ZDHHC20: variants seen among roughly 807,000 people sequenced by gnomAD.
The protein encoded by ZDHHC20 is zDHHC palmitoyltransferase 20.
ZDHHC20 carries 43 observed loss-of-function variants against 57.8 expected under a neutral mutation model. The ratio of observed to expected loss-of-function variants is 0.74; its 90% confidence interval spans 0.58 to 0.96. The LOEUF is 0.96. Among genes scored for constraint, ZDHHC20 ranks in the 40% least tolerant of loss-of-function variants. The probability of loss-of-function intolerance (pLI) is 0.00; values close to 1 mark genes in which losing one functional copy is unlikely to be tolerated. For missense variants in ZDHHC20, 391 were observed against 441.1 expected (o/e 0.89, Z 1.02); for synonymous variants, 157 against 153.0 (o/e 1.03, Z -0.19).
chr13:21,401,723 A>G, intron 5 of ZDHHC20, 38 bp from the exon 6 acceptor site: 1 of 1,473,408 alleles, frequency 6.8e-7, no homozygotes, highest in Non-Finnish European at 9.0e-7. Context: ...CCATGCAGAA[A>G]AATTCTTCTA....
At chr13:21,377,863 G>C (rs947167021) in intron 12 of ZDHHC20, 1 of 152,424 alleles carries the variant, frequency 6.6e-6, no homozygotes, top group Non-Finnish European at 1.5e-5. Flanking sequence ...ACAGGAACAG[G>C]ATGATAAATG....
At chr13:21,421,255 C>T (rs544255714) in intron 2 of ZDHHC20, 91 bp from the exon 3 acceptor site, 17 of 887,422 alleles carry the variant, frequency 1.9e-5, no homozygotes, top group African/African-American at 6.8e-5. Context: ...GTCAGGAGGC[C>T]GAATCCAATA....
chr13:21,409,533 T>C (rs1029834063), intron 4 of ZDHHC20, among the ~76,000 whole-genome samples: 1 of 152,170 alleles, frequency 6.6e-6, no homozygotes, highest in African/African-American at 2.4e-5. Context: ...GTGGTCTATT[T>C]TGTTAATCTT....
chr13:21,421,033 T>C lies in ZDHHC20; in HGVS notation c.249+28A>G, dbSNP rs146456680. 1.1e-5 allele frequency: 17 copies of C among 1,569,052 alleles called. No homozygotes were observed. In the East Asian group the frequency reaches 3.1e-4, roughly 29 times the overall value. ...AAAAATTCCATAATCAGTTAAAACATTTGGTAATTTACCAACATTAAATTT... is the reference window on the plus strand; with the variant it reads ...AAAAATTCCATAATCAGTTAAAACACTTGGTAATTTACCAACATTAAATTT... On this transcript the variant is annotated intron_variant, in intron 3 of 12. Transcript: ENST00000400590.
rs1877485080 is a variant in ZDHHC20, at chr13:21,400,580, CTGGTGTGGTG to C, written c.474-97_474-88del. 3.6e-6 allele frequency: 5 copies of C among 1,399,432 alleles called. No individual in the cohort carries two copies. The South Asian group carries it at 6.9e-5, about 19-fold the overall frequency. The allele number at this position is 1,399,432 out of a possible 1,614,324, so 86.7% of individuals were successfully genotyped here. A position where few individuals can be genotyped will look rare whatever the true frequency, so the allele number is the denominator to read the frequency against. ...AAAGTAGGATGGAGGCTGCCAGGGG[CTGGTGTGGTG>C]TGGGGAAGGGGAGCTTTTTAATGCG... is the stretch of plus-strand genomic sequence containing the variant. On this transcript the variant is annotated intron_variant, in intron 6 of 12. Coordinates refer to ENST00000400590, the MANE Select transcript of ZDHHC20 (RefSeq NM_001330059.2).
chr13:21,447,231 CGAG>C (rs1185804028), intron 1 of ZDHHC20, among the ~76,000 whole-genome samples: 1 of 24,660 alleles, frequency 4.1e-5, no homozygotes, highest in East Asian at 1.2e-3. Context: ...GTGGAGCCTC[CGAG>C]GCCGAGGACT....
intron 3 of ZDHHC20, among the ~76,000 whole-genome samples, chr13:21,420,710 C>T (rs116975298): frequency 0.018 from 2,677 of 152,298 alleles, 32 homozygotes; most frequent in Non-Finnish European, 0.024. Flanking sequence ...TCTGTTCATG[C>T]CTGAGAAAAT....
intron 7 of ZDHHC20, among the ~76,000 whole-genome samples, chr13:21,393,981 T>C (rs966790129): frequency 2.6e-5 from 4 of 152,260 alleles, no homozygotes; most frequent in Non-Finnish European, 5.9e-5. Context: ...TCACTGCTTC[T>C]ACCTTATTCC....
At chr13:21,451,921 G>A (rs890526635) in intron 1 of ZDHHC20, among the ~76,000 whole-genome samples, 1 of 149,446 alleles carries the variant, frequency 6.7e-6, no homozygotes, top group Non-Finnish European at 1.5e-5. Flanking sequence ...TTGAACTCAG[G>A]AGGCGGAGGT....
intron 4 of ZDHHC20, among the ~76,000 whole-genome samples, chr13:21,413,284 C>T (rs1376105013): frequency 5.3e-5 from 8 of 152,020 alleles, no homozygotes; most frequent in Admixed American, 5.2e-4. Context: ...ATTCTTAGCA[C>T]ACTTTTGGAT....
Position 21,426,556 on chromosome 13 carries a change from G to A in ZDHHC20, c.119-878C>T, listed in dbSNP as rs142487835. 2.8e-4 allele frequency among the ~76,000 whole-genome samples: 43 copies of A among 151,212 alleles called. 1 individual carries two copies. The East Asian group carries it at 5.4e-3, about 19-fold the overall frequency. On this transcript the variant is annotated intron_variant, in intron 1 of 12. Coordinates refer to ENST00000400590, the MANE Select transcript of ZDHHC20 (RefSeq NM_001330059.2). ...GGGTAGCAAACACTACAAGCCCTCT[G>A]TAATCTACAATCTGTCTACCTCTCT...
chr13:21,381,656 G>T, intron 10 of ZDHHC20, 107 bp from the exon 11 acceptor site: 1 of 744,384 alleles, frequency 1.3e-6, no homozygotes. Context: ...ATATGTGAGG[G>T]CAACTCATGA....
intron 4 of ZDHHC20, among the ~76,000 whole-genome samples, chr13:21,405,963 A>C (rs1389674551): frequency 3.9e-5 from 6 of 152,222 alleles, no homozygotes; most frequent in Non-Finnish European, 7.3e-5. Context: ...AAAACATTTG[A>C]AACGGACTCT....
intron 1 of ZDHHC20, among the ~76,000 whole-genome samples, chr13:21,453,871 G>C (rs1186007213): frequency 6.6e-6 from 1 of 152,074 alleles, no homozygotes; most frequent in Non-Finnish European, 1.5e-5. Flanking sequence ...CTTTGGGAAA[G>C]GGTCTTGCTC....
chr13:21,455,348 C>T (rs184820646), intron 1 of ZDHHC20, among the ~76,000 whole-genome samples: 15 of 152,120 alleles, frequency 9.9e-5, no homozygotes, highest in Non-Finnish European at 1.6e-4. Flanking sequence ...ACAAGATGAC[C>T]TGAACAACAA....
At chr13:21,384,890 C>T (rs1874173884) in intron 9 of ZDHHC20, among the ~76,000 whole-genome samples, 1 of 151,946 alleles carries the variant, frequency 6.6e-6, no homozygotes, top group Non-Finnish European at 1.5e-5. Flanking sequence ...AGCAAAGTAG[C>T]ATTCAAAATG....
Position 21,395,362 on chromosome 13 carries a change from G to A in ZDHHC20, c.595-3508C>T, listed in dbSNP as rs113722415. 8.4e-3 allele frequency among the ~76,000 whole-genome samples: 1,225 copies of A among 145,656 alleles called. 19 individuals carry two copies. The highest frequency in any genetic ancestry group is 0.029 in the African/African-American group (1,168 of 39,604). ...ATTACAGGTGTAAGCCACCGCGCCCGGCCTAAATTCTTCCTATGTTATTAA... is the reference window on the plus strand; with the variant it reads ...ATTACAGGTGTAAGCCACCGCGCCCAGCCTAAATTCTTCCTATGTTATTAA... On this transcript the variant is annotated intron_variant, in intron 7 of 12. Transcript: ENST00000400590.
intron 1 of ZDHHC20, among the ~76,000 whole-genome samples, chr13:21,425,918 AATTTT>A (rs1835347460): frequency 1.3e-5 from 2 of 152,304 alleles, no homozygotes; most frequent in African/African-American, 2.4e-5. Context: ...GAACTTTATT[AATTTT>A]AAGTGTATCA....
chr13:21,395,376 CTA>C (rs1329609529), intron 7 of ZDHHC20, among the ~76,000 whole-genome samples: 3 of 149,140 alleles, frequency 2.0e-5, no homozygotes, highest in Non-Finnish European at 4.5e-5. Context: ...TAAATTCTTC[CTA>C]TGTTATTAAG....
Sources: gnomAD v4.1 joint callset for allele counts (sites outside exome capture counted in the v4.1 genomes callset) on GRCh38, gnomAD v4.1.1 for gene constraint, MANE v1.5 for transcripts, NCBI Gene and HGNC (gene_info 2026-07-23, HGNC 2026-07-21) for gene names.